PIK3R6: variants seen among roughly 807,000 people sequenced by gnomAD.
PIK3R6 encodes phosphoinositide 3-kinase regulatory subunit 6.
In PIK3R6, 91 loss-of-function variants were observed where a neutral mutation model predicts 84.9. The observed-to-expected ratio is 1.07, with a 90% confidence interval of 0.90 to 1.28. PIK3R6 has a LOEUF of 1.28. Among genes scored for constraint, PIK3R6 ranks in the 50% most tolerant of loss-of-function variants. The pLI, the probability that PIK3R6 is intolerant of heterozygous loss-of-function variation, is 0.00. For synonymous variants in PIK3R6, 416 were observed against 411.4 expected (o/e 1.01, Z -0.13); for missense variants, 996 against 985.1 (o/e 1.01, Z -0.15).
chr17:8,836,669 C>T, intron 6 of PIK3R6, 53 bp from the exon 7 acceptor site: 1 of 1,613,538 alleles, frequency 6.2e-7, no homozygotes, highest in Non-Finnish European at 8.5e-7. Flanking sequence ...GACTCCCATT[C>T]TCCACCTTCC....
chr17:8,849,252 G>A (rs376279563), intron 2 of PIK3R6, among the ~76,000 whole-genome samples: 2 of 152,168 alleles, frequency 1.3e-5, no homozygotes, highest in Admixed American at 6.5e-5. Context: ...GCATTTTTGC[G>A]AAGCAATCCA....
intron 17 of PIK3R6, among the ~76,000 whole-genome samples, chr17:8,820,611 G>T (rs1455081703): frequency 3.9e-5 from 6 of 152,204 alleles, no homozygotes; most frequent in Non-Finnish European, 7.3e-5. Flanking sequence ...AGAGCTGCAG[G>T]TAAAGAGTGT....
intron 18 of PIK3R6, among the ~76,000 whole-genome samples, chr17:8,811,354 A>G (rs1348322073): frequency 6.7e-6 from 1 of 148,572 alleles, no homozygotes; most frequent in East Asian, 2.2e-4. Context: ...GCTGCTGTGA[A>G]GACCTCTGAC....
At chr17:8,806,266 C>T (rs879579501) in intron 18 of PIK3R6, among the ~76,000 whole-genome samples, 1 of 152,238 alleles carries the variant, frequency 6.6e-6, no homozygotes, top group Admixed American at 6.5e-5. Context: ...ATGTGACCCA[C>T]TGAAGCCTGC....
chr17:8,832,854 C>CTCTT, intron 9 of PIK3R6, 35 bp downstream of exon 9: 2 of 1,611,630 alleles, frequency 1.2e-6, no homozygotes, highest in South Asian at 2.2e-5. Context: ...CCCCGCGGGA[C>CTCTT]TCTTGCCAAG....
chr17:8,858,466 G>T (rs59320465), intron 1 of PIK3R6, among the ~76,000 whole-genome samples: 1 of 151,858 alleles, frequency 6.6e-6, no homozygotes, highest in Admixed American at 6.6e-5. Flanking sequence ...ACAGGCACCC[G>T]CCGCCACCCC....
At chr17:8,848,867 A>AT (rs2088873499) in intron 2 of PIK3R6, among the ~76,000 whole-genome samples, 1 of 152,152 alleles carries the variant, frequency 6.6e-6, no homozygotes, top group Non-Finnish European at 1.5e-5. Flanking sequence ...TGTCAAAAGA[A>AT]TTTATGCCAT....
chr17:8,839,700 G>A lies in PIK3R6; in HGVS notation c.14-3C>T. The A allele has an allele frequency of 6.4e-7, 1 of 1,567,302 alleles. No homozygotes were observed. Among genetic ancestry groups the A allele is most frequent in the Non-Finnish European group, 8.7e-7 (1 of 1,155,418 alleles). ...CCTCTGGAGGTCCAGCTCCACATCT[G>A]GGCAGTGGTAGGGGTGGGAGGAAAC... On this transcript the variant is annotated splice_region_variant and splice_polypyrimidine_tract_variant and intron_variant, in intron 2 of 19. Coordinates refer to ENST00000619866, the MANE Select transcript of PIK3R6 (RefSeq NM_001010855.4). The surrounding 1 kb of genome is among the most constrained non-coding windows in gnomAD (Gnocchi z 4.2).
chr17:8,826,879 C>T (rs771642404), intron 13 of PIK3R6, among the ~76,000 whole-genome samples: 7 of 152,230 alleles, frequency 4.6e-5, no homozygotes, highest in South Asian at 2.1e-4. Context: ...TACACACTTA[C>T]GAAGGAATAT....
intron 8 of PIK3R6, among the ~76,000 whole-genome samples, chr17:8,833,493 CA>C (rs2088333612): frequency 1.3e-5 from 2 of 150,906 alleles, no homozygotes; most frequent in Non-Finnish European, 2.9e-5. Flanking sequence ...GATACAGCAG[CA>C]AACAAAAGAG....
chr17:8,819,918 A>AT (rs2087674445), intron 17 of PIK3R6, among the ~76,000 whole-genome samples: 1 of 137,856 alleles, frequency 7.3e-6, no homozygotes, highest in Admixed American at 7.4e-5. Context: ...ACATATATAT[A>AT]TTTTATATAT....
chr17:8,855,180 G>A (rs1471874125), intron 1 of PIK3R6, among the ~76,000 whole-genome samples: 3 of 146,318 alleles, frequency 2.1e-5, no homozygotes, highest in African/African-American at 4.9e-5. Context: ...GTGACAGAGC[G>A]AGACTCCATC....
rs527698590 is a variant in PIK3R6 at position 8,836,850 on chromosome 17, G to A, written c.332C>T (p.Pro111Leu). The A allele has an allele frequency of 2.5e-6, 4 of 1,585,136 alleles. No individual in the cohort carries two copies. The highest frequency in any genetic ancestry group is 3.4e-6 in the Non-Finnish European group (4 of 1,165,462). ...FCTRLLTLPT[P>L]YCTVALDCAI... is the part of the protein sequence containing the mutation. ...GCAGTCCAAGGCGACTGTGCAGTAG[G>A]GGGTGGGCAGGGTCAGTAACCTTGT... Residue 111 changes from proline to leucine, a missense_variant, in exon 6 of 20, where the codon CCC becomes CTC. Physicochemically the swap from Pro to Leu is moderately conservative, Grantham distance 98. Transcript: ENST00000619866.
intron 2 of PIK3R6, among the ~76,000 whole-genome samples, chr17:8,845,105 G>A (rs1255995485): frequency 2.0e-5 from 3 of 152,094 alleles, no homozygotes. Context: ...CCACATTTTT[G>A]CTTTTGTGAA....
At position 8,853,672 on chromosome 17, in the gene PIK3R6, G is replaced by A. The variant is rs9894503; in HGVS notation, c.-91-3787C>T. Among the ~76,000 whole-genome samples, 1,174 of 151,630 alleles carry A rather than the reference G, an allele frequency of 7.7e-3. 19 individuals carry two copies. Among genetic ancestry groups the A allele is most frequent in the African/African-American group, 0.027 (1,122 of 41,364 alleles). On this transcript the variant is annotated intron_variant, in intron 1 of 19. Transcript: ENST00000619866. Reference sequence around the variant, plus strand: ...TTGGAAGACCCAGTATAGTTAAGATGTCAATTCTCAGCCAGGCACAGTGGC... The same window carrying A: ...TTGGAAGACCCAGTATAGTTAAGATATCAATTCTCAGCCAGGCACAGTGGC...
At chr17:8,853,378 G>A (rs1165039408) in intron 1 of PIK3R6, among the ~76,000 whole-genome samples, 4 of 150,512 alleles carry the variant, frequency 2.7e-5, no homozygotes, top group African/African-American at 9.8e-5. Context: ...CCAGCTACTC[G>A]GGAGGCTGAG....
chr17:8,827,205 C>A lies in PIK3R6; in HGVS notation c.1482G>T (p.Thr494=). 4 of 1,611,606 alleles carry A rather than the reference C, an allele frequency of 2.5e-6. No homozygotes were observed. Among genetic ancestry groups the A allele is most frequent in the Non-Finnish European group, 2.5e-6 (3 of 1,179,040 alleles). Residue 494 remains threonine (T), a synonymous_variant, in exon 13 of 20, where the codon ACG becomes ACT. Coordinates refer to ENST00000619866, the MANE Select transcript of PIK3R6 (RefSeq NM_001010855.4). ...VDPWYQSNVN[T]LCPAIHKLAE... is the part of the protein sequence containing the mutation. ...CCAGCTTGTGGATGGCGGGGCACAG[C>A]GTGTTGACGTTGCTCTGGTACCACG...
intron 8 of PIK3R6, 141 bp downstream of exon 8, chr17:8,835,132 C>T: frequency 9.8e-7 from 1 of 1,023,014 alleles, no homozygotes; most frequent in Non-Finnish European, 1.3e-6. Context: ...GCCACTGCGC[C>T]CAGCCAAAAT....
Position 8,838,604 on chromosome 17 carries a change from C to A in PIK3R6, c.149G>T (p.Ser50Ile), listed in dbSNP as rs1324426250. 2 of 1,607,360 alleles carry A rather than the reference C, an allele frequency of 1.2e-6. No individual in the cohort carries two copies. Among genetic ancestry groups the A allele is most frequent in the South Asian group, 2.2e-5 (2 of 89,398 alleles). ...GAGAAGAATGCGGACCAGCACTGGGCTCTTACCGGGATCTCGCTCGACCTT... is the reference window on the plus strand; with the variant it reads ...GAGAAGAATGCGGACCAGCACTGGGATCTTACCGGGATCTCGCTCGACCTT... ...HKKVERDPGK[S>I]PVLVRILLRE... Residue 50 changes from serine (S) to isoleucine (I), a missense_variant, in exon 4 of 20, where the codon AGC becomes ATC. Transcript: ENST00000619866.
Sources: gnomAD v4.1 joint callset for allele counts (sites outside exome capture counted in the v4.1 genomes callset) on GRCh38, gnomAD v4.1.1 for gene constraint, Gnocchi (gnomAD v3.1) non-coding constraint, MANE v1.5 for transcripts, NCBI Gene and HGNC (gene_info 2026-07-23, HGNC 2026-07-21) for gene names.